Variants in RABGAP1L observed in about 807,000 individuals in gnomAD.
The protein encoded by RABGAP1L is RAB GTPase activating protein 1 like.
RABGAP1L carries 63 observed loss-of-function variants against 137.7 expected under a neutral mutation model. The ratio of observed to expected loss-of-function variants is 0.46; its 90% CI spans 0.37 to 0.56. The LOEUF (loss-of-function observed/expected upper bound fraction) is 0.56, where lower values mean the gene tolerates loss of function less well. RABGAP1L is among the 20% of genes least tolerant of loss of function. The pLI is 0.00. For missense variants in RABGAP1L, 1,095 were observed against 1,244.0 expected (o/e 0.88, Z 1.80); for synonymous variants, 431 against 433.7 (o/e 0.99, Z 0.08).
intron 7 of RABGAP1L, among the ~76,000 whole-genome samples, chr1:174,254,852 C>T (rs1672987993): frequency 6.6e-6 from 1 of 152,152 alleles, no homozygotes; most frequent in Non-Finnish European, 1.5e-5. Flanking sequence ...GGTATATACG[C>T]AGTAATGGGA....
At chr1:174,290,764 G>T (rs1216225803) in intron 10 of RABGAP1L, among the ~76,000 whole-genome samples, 67 of 140,610 alleles carry the variant, frequency 4.8e-4, no homozygotes, top group Non-Finnish European at 7.7e-4. Flanking sequence ...CTTTTTCTTG[G>T]TTTTTTTTTT....
chr1:174,896,406 G>C (rs1332866412), intron 19 of RABGAP1L, among the ~76,000 whole-genome samples: 8 of 152,164 alleles, frequency 5.3e-5, no homozygotes, highest in African/African-American at 1.9e-4. Flanking sequence ...TCACTCTGAT[G>C]ATAGTTTCTT....
rs1169374344 is a variant in RABGAP1L, at chr1:174,946,915, AAAATATATAT to A, written c.2341-10540_2341-10531del. Among the ~76,000 whole-genome samples the A allele has an allele frequency of 6.9e-4, 37 of 53,918 alleles. 2 individuals are homozygous for A. Among genetic ancestry groups the A allele is most frequent in the Non-Finnish European group, 9.7e-4 (30 of 30,798 alleles). 35.4% of individuals were successfully genotyped at this position (53,918 alleles called of 152,430 possible). ...GACTCCATCTCAAAAAAAAAAAAAA[AAAATATATAT>A]ATATATATATATATATGTGTGTGTG... On this transcript the variant is annotated intron_variant, in intron 19 of 25. Transcript: ENST00000681986.
In RABGAP1L at chr1:174,204,038, A is replaced by G. The variant is rs187124537; in HGVS notation, c.-33-15087A>G. On this transcript the variant is annotated intron_variant, in intron 1 of 25. Transcript: ENST00000681986. The stretch of plus-strand genomic sequence containing the variant: ...ACAATCTCGGCTCACTGCAACCTCC[A>G]CTTCCCAGGTTCAAGTGTTCTTGTG... Among the ~76,000 whole-genome samples the G allele has an allele frequency of 3.1e-4, 47 of 150,612 alleles. 1 individual carries two copies. Among genetic ancestry groups the G allele is most frequent in the Admixed American group, 1.3e-3 (19 of 14,966 alleles).
intron 14 of RABGAP1L, among the ~76,000 whole-genome samples, chr1:174,682,814 G>T (rs535350381): frequency 6.6e-6 from 1 of 152,300 alleles, no homozygotes; most frequent in Admixed American, 6.5e-5. Flanking sequence ...GGCCTCTTTG[G>T]CTGTACTCCA....
chr1:174,254,495 G>A (rs1249209689), intron 7 of RABGAP1L, among the ~76,000 whole-genome samples: 2 of 151,936 alleles, frequency 1.3e-5, no homozygotes, highest in Admixed American at 6.6e-5. Flanking sequence ...CCTTGCCCCC[G>A]AACCCTGACA....
chr1:174,910,877 AC>A (rs1354768068), intron 19 of RABGAP1L, among the ~76,000 whole-genome samples: 1 of 152,238 alleles, frequency 6.6e-6, no homozygotes, highest in Admixed American at 6.5e-5. Flanking sequence ...GAACCACCAT[AC>A]TGTTTTCACA....
chr1:174,527,900 T>C (rs1664041948), intron 13 of RABGAP1L, among the ~76,000 whole-genome samples: 1 of 110,078 alleles, frequency 9.1e-6, no homozygotes, highest in Non-Finnish European at 1.8e-5. Context: ...TATATACTTG[T>C]CTTTTTTTTT....
In RABGAP1L at chr1:174,749,887, A is replaced by AT. The variant is rs896783798; in HGVS notation, c.2170-2418dup. ...GTTCAAGGAATCTTTATTTTATTTT[A>AT]TTTTTTTTGAGATGGAGTCTCGCTC... On this transcript the variant is annotated intron_variant, in intron 17 of 25. Transcript: ENST00000681986. 3.7e-3 allele frequency among the ~76,000 whole-genome samples: 553 copies of AT among 151,472 alleles called. 5 individuals are homozygous for AT. Among genetic ancestry groups the AT allele is most frequent in the African/African-American group, 0.011 (464 of 41,320 alleles).
At chr1:174,780,099 TAAATAAATAAATA>T (rs1558070477) in intron 18 of RABGAP1L, among the ~76,000 whole-genome samples, 7 of 150,688 alleles carry the variant, frequency 4.6e-5, no homozygotes, top group Admixed American at 1.3e-4. Flanking sequence ...AATAAATAAA[TAAATAAATAAATA>T]AATAAATTAA....
intron 13 of RABGAP1L, among the ~76,000 whole-genome samples, chr1:174,445,852 G>T (rs1243566630): frequency 6.6e-6 from 1 of 152,138 alleles, no homozygotes; most frequent in Non-Finnish European, 1.5e-5. Flanking sequence ...ATGCTATAAG[G>T]AGAATACCTT....
intron 21 of RABGAP1L, among the ~76,000 whole-genome samples, chr1:174,973,979 GTTTTTTTT>G (rs58500594): frequency 3.5e-5 from 3 of 85,788 alleles, no homozygotes; most frequent in East Asian, 4.9e-4. Flanking sequence ...ATTGTTTTTT[GTTTTTTTT>G]TTTTTTTTTT....
intron 12 of RABGAP1L, among the ~76,000 whole-genome samples, chr1:174,385,071 C>A (rs1457563279): frequency 1.3e-5 from 2 of 152,132 alleles, no homozygotes; most frequent in Non-Finnish European, 2.9e-5. Context: ...AAACATCATT[C>A]TGACTGCCCA....
At chr1:174,878,136 C>T (rs567557453) in intron 19 of RABGAP1L, among the ~76,000 whole-genome samples, 14 of 152,246 alleles carry the variant, frequency 9.2e-5, no homozygotes, top group African/African-American at 3.4e-4. Flanking sequence ...TAATCAAAAA[C>T]GGAAGTTCTT....
chr1:174,782,774 G>A (rs1327482619), intron 18 of RABGAP1L, among the ~76,000 whole-genome samples: 8 of 151,956 alleles, frequency 5.3e-5, no homozygotes, highest in African/African-American at 1.5e-4. Context: ...CTTTAAACAC[G>A]GGGCTTGTAA....
At chr1:174,889,421 C>T (rs1655742742) in intron 19 of RABGAP1L, among the ~76,000 whole-genome samples, 1 of 151,926 alleles carries the variant, frequency 6.6e-6, no homozygotes, top group Non-Finnish European at 1.5e-5. Context: ...CGCGTCCGGC[C>T]CTGTTTTATT....
intron 12 of RABGAP1L, among the ~76,000 whole-genome samples, chr1:174,383,121 C>T (rs1401204537): frequency 6.6e-6 from 1 of 150,966 alleles, no homozygotes; most frequent in Non-Finnish European, 1.5e-5. Flanking sequence ...GGGTCAGGGA[C>T]CCACTTGAGG....
At chr1:174,892,064 C>T (rs774253369) in intron 19 of RABGAP1L, among the ~76,000 whole-genome samples, 3 of 152,218 alleles carry the variant, frequency 2.0e-5, no homozygotes, top group Non-Finnish European at 4.4e-5. Flanking sequence ...GGCATGGTGG[C>T]CGCAGCGGTA....
chr1:174,348,085 T>C (rs765330905), intron 11 of RABGAP1L, among the ~76,000 whole-genome samples: 2 of 152,014 alleles, frequency 1.3e-5, no homozygotes, highest in Non-Finnish European at 2.9e-5. Flanking sequence ...ATTCTCTTTC[T>C]TCCTATCTTC....
Sources: gnomAD v4.1 joint callset for allele counts (sites outside exome capture counted in the v4.1 genomes callset) on GRCh38, gnomAD v4.1.1 for gene constraint, MANE v1.5 for transcripts, NCBI Gene and HGNC (gene_info 2026-07-23, HGNC 2026-07-21) for gene names.